NAV2: variants seen among roughly 807,000 people sequenced by gnomAD.
NAV2 encodes helicase, APC down-regulated 1.
Under a neutral mutation model 223.2 loss-of-function variants are expected in NAV2, and 54 were observed. That is an observed-to-expected ratio of 0.24 (90% confidence interval 0.19 to 0.30). The LOEUF (loss-of-function observed/expected upper bound fraction) is 0.30. Among genes scored for constraint, NAV2 ranks in the 10% least tolerant of loss-of-function variants. The pLI is 1.00. For missense variants in NAV2, 2,806 were observed against 3,147.5 expected, an observed-to-expected ratio of 0.89 and a Z score of 2.60; for synonymous variants, 1,279 against 1,239.3, an observed-to-expected ratio of 1.03 and a Z score of -0.67.
chr11:19,476,582 A>G (rs757592065), intron 1 of NAV2, among the ~76,000 whole-genome samples: 2 of 152,054 alleles, frequency 1.3e-5, no homozygotes, highest in Admixed American at 6.5e-5. Flanking sequence ...TTCCCCCTGA[A>G]CTATGTTCTG....
At chr11:19,783,685 G>A (rs1429026465) in intron 1 of NAV2, among the ~76,000 whole-genome samples, 19 of 152,060 alleles carry the variant, frequency 1.2e-4, no homozygotes, top group Non-Finnish European at 2.9e-5. Context: ...GTGCAACCTG[G>A]GGAGAATATT....
At chr11:19,518,360 TC>T (rs913282221) in intron 1 of NAV2, 9 of 152,218 alleles carry the variant, frequency 5.9e-5, no homozygotes, top group African/African-American at 2.2e-4. Flanking sequence ...CAGGAAGCTC[TC>T]CTGACCCACC....
intron 1 of NAV2, among the ~76,000 whole-genome samples, chr11:19,504,125 T>C (rs2043045421): frequency 1.3e-5 from 2 of 152,068 alleles, no homozygotes; most frequent in Admixed American, 6.5e-5. Flanking sequence ...GCACCATACA[T>C]CTATTATAAT....
At chr11:20,028,997 A>G (rs1056132973) in intron 11 of NAV2, among the ~76,000 whole-genome samples, 7 of 152,224 alleles carry the variant, frequency 4.6e-5, no homozygotes, top group African/African-American at 1.7e-4. Flanking sequence ...AAGGGCCGCT[A>G]ACTCAGGGCT....
chr11:19,523,085 T>G (rs892125850), intron 1 of NAV2, among the ~76,000 whole-genome samples: 2 of 152,224 alleles, frequency 1.3e-5, no homozygotes, highest in East Asian at 1.9e-4. Context: ...CATTTTGCAG[T>G]GAGAAGTCTG....
chr11:19,582,122 T>C (rs1282024132), intron 1 of NAV2, among the ~76,000 whole-genome samples: 1 of 152,266 alleles, frequency 6.6e-6, no homozygotes, highest in Non-Finnish European at 1.5e-5. Flanking sequence ...CCAGTTATGA[T>C]GAGCATTTTT....
intron 1 of NAV2, among the ~76,000 whole-genome samples, chr11:19,411,568 G>T (rs1485196109): frequency 6.6e-6 from 1 of 152,134 alleles, no homozygotes; most frequent in Non-Finnish European, 1.5e-5. Flanking sequence ...ATCTCAAGGT[G>T]CCCTGAGAAT....
At chr11:19,975,801 C>T (rs1484715254) in intron 10 of NAV2, among the ~76,000 whole-genome samples, 2 of 152,218 alleles carry the variant, frequency 1.3e-5, no homozygotes, top group African/African-American at 4.8e-5. Context: ...GGATCTACTT[C>T]TGCCCTGTTT....
chr11:20,020,189 A>G (rs1833007548), intron 11 of NAV2, among the ~76,000 whole-genome samples: 2 of 152,258 alleles, frequency 1.3e-5, no homozygotes, highest in South Asian at 2.1e-4. Flanking sequence ...TGTTTTGTCT[A>G]ATTATGTACT....
At chr11:19,860,680 T>A (rs1333343918) in intron 3 of NAV2, among the ~76,000 whole-genome samples, 1 of 150,510 alleles carries the variant, frequency 6.6e-6, no homozygotes, top group African/African-American at 2.5e-5. Context: ...CAAGGCAGGC[T>A]GCTGGGAGGT....
intron 1 of NAV2, among the ~76,000 whole-genome samples, chr11:19,587,811 A>G (rs916072577): frequency 6.6e-6 from 1 of 152,254 alleles, no homozygotes; most frequent in Non-Finnish European, 1.5e-5. Context: ...GTATAAAGGC[A>G]CCAACACAAT....
At chr11:19,810,811 T>G (rs968082757) in intron 1 of NAV2, among the ~76,000 whole-genome samples, 11 of 152,220 alleles carry the variant, frequency 7.2e-5, no homozygotes, top group African/African-American at 2.4e-4. Flanking sequence ...TTTAATAAGC[T>G]CTACACAGAT....
chr11:19,954,913 A>ATATG (rs2047709267), intron 10 of NAV2, among the ~76,000 whole-genome samples: 3 of 87,092 alleles, frequency 3.4e-5, no homozygotes, highest in Non-Finnish European at 3.1e-5. Context: ...ATGTGTATAT[A>ATATG]TGTGTGTGTG....
chr11:19,414,166 G>A (rs1850264625), intron 1 of NAV2, among the ~76,000 whole-genome samples: 2 of 152,178 alleles, frequency 1.3e-5, no homozygotes, highest in African/African-American at 4.8e-5. Flanking sequence ...CTGTATTCAG[G>A]AGACCCATCT....
chr11:19,354,786 C>T (rs77987759), intron 1 of NAV2, among the ~76,000 whole-genome samples: 4,811 of 152,302 alleles, frequency 0.032, 266 homozygotes, highest in African/African-American at 0.11. Flanking sequence ...GAGGAGGTGT[C>T]TTCTGAGCAG....
chr11:19,773,834 A>G (rs1337914873), intron 1 of NAV2, among the ~76,000 whole-genome samples: 1 of 152,158 alleles, frequency 6.6e-6, no homozygotes, highest in Non-Finnish European at 1.5e-5. Flanking sequence ...CATGATTTCA[A>G]CAGACATCTA....
At position 19,949,048 on chromosome 11, in the gene NAV2, C is replaced by T; in HGVS notation, c.2613C>T (p.Ser871=). 2 of 1,612,654 alleles carry T rather than the reference C, an allele frequency of 1.2e-6. No individual in the cohort carries two copies. Among genetic ancestry groups the T allele is most frequent in the Non-Finnish European group, 1.7e-6 (2 of 1,179,144 alleles). Residue 871 remains serine (S), a synonymous_variant, in exon 10 of 38, where the codon AGC becomes AGT. Coordinates refer to ENST00000349880, the MANE Select transcript of NAV2 (RefSeq NM_145117.5). The part of the protein sequence containing the change: ...PGYMSDGDVL[S]KNIRTDDITS... ...ACATGAGCGACGGGGATGTTCTGAG[C>T]AAGAACATCCGGACCGATGACATTA...
intron 1 of NAV2, chr11:19,778,420 G>C: frequency 2.2e-6 from 1 of 454,070 alleles, no homozygotes; most frequent in Non-Finnish European, 4.4e-6. Flanking sequence ...ATATAAAAAG[G>C]ATTCAGTAAG....
chr11:19,984,259 G>C lies in NAV2; in HGVS notation c.2768+12G>C. On this transcript the variant is annotated intron_variant, in intron 11 of 37. Coordinates refer to ENST00000349880, the MANE Select transcript of NAV2 (RefSeq NM_145117.5). ...GGAGACGCTGACAGGTAAGCTTGCT[G>C]CACTTGGGGCTGGTCAGATGCAGAG... The C allele has an allele frequency of 6.2e-7, 1 of 1,613,884 alleles. No homozygotes were observed. Among genetic ancestry groups the C allele is most frequent in the South Asian group, 1.1e-5 (1 of 91,062 alleles).
Sources: gnomAD v4.1 joint callset for allele counts (sites outside exome capture counted in the v4.1 genomes callset) on GRCh38, gnomAD v4.1.1 for gene constraint, MANE v1.5 for transcripts, NCBI Gene and HGNC (gene_info 2026-07-23, HGNC 2026-07-21) for gene names.